The following DNAJC11 variants were observed in gnomAD, a reference collection of about 807,000 sequenced individuals.
The protein encoded by DNAJC11 is dnaJ homolog subfamily C member 11.
Under a neutral mutation model 78.6 loss-of-function variants are expected in DNAJC11, and 15 were observed. That is an observed-to-expected ratio of 0.19 (90% CI 0.13 to 0.29). The LOEUF (loss-of-function observed/expected upper bound fraction) is 0.29. DNAJC11 is among the 10% of genes least tolerant of loss of function. The probability of loss-of-function intolerance (pLI) is 1.00; values close to 1 mark genes in which losing one functional copy is unlikely to be tolerated. For missense variants in DNAJC11, 547 were observed against 709.6 expected (o/e 0.77, Z 2.60); for synonymous variants, 292 against 272.1 (o/e 1.07, Z -0.72).
chr1:6,683,286 A>AT (rs5772248), intron 1 of DNAJC11, among the ~76,000 whole-genome samples: 135,362 of 152,112 alleles, frequency 0.89, 60,575 homozygotes, highest in Admixed American at 0.95. Context: ...TGTGGCAGTC[A>AT]ACGGCCCATG....
chr1:6,641,834 G>A lies in DNAJC11; in HGVS notation c.1098-1777C>T, dbSNP rs1420264087. Among the ~76,000 whole-genome samples the A allele has an allele frequency of 5.3e-5, 8 of 152,076 alleles. No homozygotes were observed. The East Asian group carries it at 1.2e-3, about 22-fold the overall frequency. ...GATGGGTTTTAGGTTCTAGAAGTGCGGGTGAGAATAAAATGGACCAAGTCC... is the reference window on the plus strand; with the variant it reads ...GATGGGTTTTAGGTTCTAGAAGTGCAGGTGAGAATAAAATGGACCAAGTCC... On this transcript the variant is annotated intron_variant, in intron 10 of 15. Coordinates refer to ENST00000377577, the MANE Select transcript of DNAJC11 (RefSeq NM_018198.4).
chr1:6,650,948 A>C (rs1642045398), intron 7 of DNAJC11: 1 of 430,324 alleles, frequency 2.3e-6, no homozygotes, highest in East Asian at 6.4e-5. Context: ...CTTCCTCTGG[A>C]AGAAAGAGGT....
chr1:6,653,924 G>A lies in DNAJC11; in HGVS notation c.494C>T (p.Ser165Phe). The A allele has an allele frequency of 1.2e-6, 2 of 1,612,664 alleles. No individual in the cohort carries two copies. The highest frequency in any genetic ancestry group is 1.7e-6 in the Non-Finnish European group (2 of 1,178,926). Residue 165 changes from serine to phenylalanine, a missense_variant, in exon 5 of 16, where the codon TCC becomes TTC. Transcript: ENST00000377577. The surrounding 1 kb of genome is among the most constrained non-coding windows in gnomAD (Gnocchi z 4.5). The stretch of plus-strand genomic sequence containing the variant: ...TGTGTGCTTTACCTCAATGGACTGG[G>A]ATATGTGCATTTTATTAATTTCAAT... ...PQIEINKMHISQSIEAPLTAT... is the reference protein window; with the variant it reads ...PQIEINKMHIFQSIEAPLTAT...
At chr1:6,688,373 C>T (rs1642690231) in intron 1 of DNAJC11, among the ~76,000 whole-genome samples, 1 of 152,136 alleles carries the variant, frequency 6.6e-6, no homozygotes, top group South Asian at 2.1e-4. Context: ...CAATGTATTC[C>T]TCAAGAATAC....
At chr1:6,635,794 C>T in intron 15 of DNAJC11, 94 bp from the exon 16 acceptor site, 1 of 1,480,042 alleles carries the variant, frequency 6.8e-7, no homozygotes, top group Non-Finnish European at 9.4e-7. Flanking sequence ...GGACCAGCAG[C>T]TGGCTGGGCC....
At chr1:6,649,881 T>G (rs1371306267) in intron 7 of DNAJC11, among the ~76,000 whole-genome samples, 1 of 152,000 alleles carries the variant, frequency 6.6e-6, no homozygotes, top group Non-Finnish European at 1.5e-5. Context: ...TTAATTTTTA[T>G]ATTTTTAGTA....
chr1:6,676,806 C>T (rs572034513), intron 3 of DNAJC11, among the ~76,000 whole-genome samples: 16 of 152,302 alleles, frequency 1.1e-4, no homozygotes, highest in Admixed American at 3.3e-4. Context: ...TCTTCCACTC[C>T]TCATCTGAAG....
In DNAJC11 at chr1:6,635,545, T is replaced by A; in HGVS notation, c.*130A>T. 1.9e-6 allele frequency: 2 copies of A among 1,038,984 alleles called. No individual in the cohort carries two copies. The highest frequency in any genetic ancestry group is 5.2e-5 in the East Asian group (2 of 38,124). 64.4% of individuals were successfully genotyped at this position (1,038,984 alleles called of 1,614,324 possible). A position where few individuals can be genotyped will look rare whatever the true frequency, so the allele number is the denominator to read the frequency against. On this transcript the variant is annotated 3_prime_UTR_variant, in exon 16 of 16. Coordinates refer to ENST00000377577, the MANE Select transcript of DNAJC11 (RefSeq NM_018198.4). ...TCTGCATGTCCCTTCACATAATTGA[T>A]AATGGTACCACCTTCTATAATAATA...
chr1:6,667,999 C>A (rs1410455749), intron 3 of DNAJC11, 189 bp from the exon 4 acceptor site: 2 of 598,652 alleles, frequency 3.3e-6, no homozygotes, highest in Admixed American at 5.7e-5. Flanking sequence ...AGGGAGAGCT[C>A]ACTGCCCTCC....
chr1:6,657,701 G>C (rs1049159376), intron 4 of DNAJC11, among the ~76,000 whole-genome samples: 1 of 152,264 alleles, frequency 6.6e-6, no homozygotes, highest in Non-Finnish European at 1.5e-5. Flanking sequence ...CTGGAGTGCA[G>C]TGGCACGATC....
chr1:6,641,148 G>A (rs903089201), intron 10 of DNAJC11, among the ~76,000 whole-genome samples: 1 of 151,984 alleles, frequency 6.6e-6, no homozygotes, highest in East Asian at 1.9e-4. Flanking sequence ...CATTTTGGGA[G>A]GCTGAGGCAG....
intron 11 of DNAJC11, among the ~76,000 whole-genome samples, chr1:6,639,328 CTTTTTTTT>C (rs869051941): frequency 1.5e-5 from 2 of 136,830 alleles, no homozygotes; most frequent in Admixed American, 1.5e-4. Context: ...AGGATCAACA[CTTTTTTTT>C]TTTTTTTTTT....
intron 10 of DNAJC11, among the ~76,000 whole-genome samples, chr1:6,641,081 T>C (rs765949589): frequency 6.6e-6 from 1 of 151,952 alleles, no homozygotes; most frequent in Non-Finnish European, 1.5e-5. Flanking sequence ...AATTCCAGAA[T>C]TGATAAAGAA....
chr1:6,635,407 A>T lies in DNAJC11; in HGVS notation c.*268T>A. ...CGGGACACAGCGGAGTCAGGGCCAGAGCCCTTCCCTCCAGGAACTGATCCT... is the reference window on the plus strand; with the variant it reads ...CGGGACACAGCGGAGTCAGGGCCAGTGCCCTTCCCTCCAGGAACTGATCCT... On this transcript the variant is annotated 3_prime_UTR_variant, in exon 16 of 16. Coordinates refer to ENST00000377577, the MANE Select transcript of DNAJC11 (RefSeq NM_018198.4). 1 of 445,360 alleles carries T rather than the reference A, an allele frequency of 2.2e-6. No homozygotes were observed. The highest frequency in any genetic ancestry group is 4.0e-6 in the Non-Finnish European group (1 of 247,894). 27.6% of individuals were successfully genotyped at this position (445,360 alleles called of 1,614,324 possible).
rs1304611726 is a variant in DNAJC11, at chr1:6,653,984, T to C, written c.434A>G (p.Glu145Gly). 4 of 1,613,514 alleles carry C rather than the reference T, an allele frequency of 2.5e-6. No individual in the cohort carries two copies. The highest frequency in any genetic ancestry group is 1.7e-5 in the Admixed American group (1 of 59,980). Reference protein sequence around the residue: ...ATDLFDRYDEEYEDVSGSSFP... With the variant: ...ATDLFDRYDEGYEDVSGSSFP... ...GCTACTGCCGGACACATCTTCATAC[T>C]CCTCATCATAGCGATCAAAAAGGTC... The change falls in exon 5 of 16, where the codon GAG (glutamate) becomes GGG (glycine). Residue 145 changes from glutamate (E) to glycine (G), a missense_variant. Coordinates refer to ENST00000377577, the MANE Select transcript of DNAJC11 (RefSeq NM_018198.4). The surrounding 1 kb of genome is among the most constrained non-coding windows in gnomAD (Gnocchi z 4.5).
In DNAJC11 at chr1:6,653,033, G is replaced by A; in HGVS notation, c.508-82C>T. 6.4e-7 allele frequency: 1 copy of A among 1,552,702 alleles called. No individual in the cohort carries two copies. Among genetic ancestry groups the A allele is most frequent in the East Asian group, 2.2e-5 (1 of 44,462 alleles). On this transcript the variant is annotated intron_variant, in intron 5 of 15. Coordinates refer to ENST00000377577, the MANE Select transcript of DNAJC11 (RefSeq NM_018198.4). This position sits in a 1 kb window ranked among gnomAD's most constrained non-coding sequence, Gnocchi z 4.5. ...CAGCAGCCTAAAGAACGCACTGTGA[G>A]CCCAAGGCCAAAGGTGCAGACGATT... is the stretch of plus-strand genomic sequence containing the variant.
rs1030870314 is a variant in DNAJC11 at position 6,637,968 on chromosome 1, G to A, written c.1323+327C>T. On this transcript the variant is annotated intron_variant, in intron 12 of 15. Coordinates refer to ENST00000377577, the MANE Select transcript of DNAJC11 (RefSeq NM_018198.4). ...GACAGGCATGTGCTCGCCAGGCCGC[G>A]CACACGGCCCATGGCCACCTGGCAG... The A allele has an allele frequency of 3.6e-5, 14 of 387,088 alleles. No individual in the cohort carries two copies. The Admixed American group carries it at 3.8e-4, about 11-fold the overall frequency. 24.0% of individuals were successfully genotyped at this position (387,088 alleles called of 1,614,324 possible). A position where few individuals can be genotyped will look rare whatever the true frequency, so the allele number is the denominator to read the frequency against.
At chr1:6,642,306 G>A (rs1011126070) in intron 10 of DNAJC11, among the ~76,000 whole-genome samples, 9 of 152,190 alleles carry the variant, frequency 5.9e-5, no homozygotes, top group African/African-American at 1.7e-4. Context: ...ACTCTCCTAC[G>A]GAAAGCAGAC....
At chr1:6,663,542 T>C (rs776774839) in intron 4 of DNAJC11, among the ~76,000 whole-genome samples, 2 of 152,198 alleles carry the variant, frequency 1.3e-5, no homozygotes, top group Non-Finnish European at 2.9e-5. Context: ...GTCCTTAAAA[T>C]GCAAGAAATG....
Sources: gnomAD v4.1 joint callset for allele counts (sites outside exome capture counted in the v4.1 genomes callset) on GRCh38, gnomAD v4.1.1 for gene constraint, Gnocchi (gnomAD v3.1) non-coding constraint, MANE v1.5 for transcripts, NCBI Gene and HGNC (gene_info 2026-07-23, HGNC 2026-07-21) for gene names.